Variants in CAMK4 observed in about 807,000 individuals in gnomAD.
The protein encoded by CAMK4 is calcium/calmodulin-dependent protein kinase type IV.
A neutral mutation model predicts 44.9 loss-of-function variants in CAMK4; 22 were observed. That is an observed-to-expected ratio of 0.49 (90% CI 0.35 to 0.70). CAMK4 has a LOEUF of 0.70. CAMK4 is among the 30% of genes least tolerant of loss of function. The probability of loss-of-function intolerance (pLI) is 0.01; values close to 1 mark genes in which losing one functional copy is unlikely to be tolerated. For missense variants in CAMK4, 498 were observed against 586.8 expected, an observed-to-expected ratio of 0.85 and a Z score of 1.56; for synonymous variants, 218 against 215.4, an observed-to-expected ratio of 1.01 and a Z score of -0.11.
chr5:111,383,179 G>A (rs1272861609), intron 4 of CAMK4, among the ~76,000 whole-genome samples: 2 of 152,242 alleles, frequency 1.3e-5, no homozygotes, highest in African/African-American at 2.4e-5. Flanking sequence ...TTGTATGAGA[G>A]GGACCTAAAT....
chr5:111,308,259 A>T (rs1025351571), intron 1 of CAMK4, among the ~76,000 whole-genome samples: 18 of 128,970 alleles, frequency 1.4e-4, no homozygotes, highest in African/African-American at 1.9e-4. Flanking sequence ...ATAAAAAAAT[A>T]AAATAAAATA....
chr5:111,357,209 A>T (rs1185920532), intron 2 of CAMK4, among the ~76,000 whole-genome samples: 1 of 152,106 alleles, frequency 6.6e-6, no homozygotes, highest in Non-Finnish European at 1.5e-5. Context: ...ATGTTACTTC[A>T]CTCTGGTAGA....
At chr5:111,276,325 C>A (rs1054162822) in intron 1 of CAMK4, among the ~76,000 whole-genome samples, 2 of 152,186 alleles carry the variant, frequency 1.3e-5, no homozygotes, top group Non-Finnish European at 2.9e-5. Context: ...CACCTCTACT[C>A]CTCTAATTGG....
At position 111,424,594 on chromosome 5, in the gene CAMK4, A is replaced by G. The variant is rs368795226; in HGVS notation, c.460-22092A>G. Among the ~76,000 whole-genome samples, 31 of 151,186 alleles carry G rather than the reference A, an allele frequency of 2.1e-4. No homozygotes were observed. In the East Asian group the frequency reaches 4.3e-3, roughly 21 times the overall value. ...CGAATAGCTGGGACTACAGGTGCCCACCACCACGCCCGGCTAATTTTTAAA... is the reference window on the plus strand; with the variant it reads ...CGAATAGCTGGGACTACAGGTGCCCGCCACCACGCCCGGCTAATTTTTAAA... On this transcript the variant is annotated intron_variant, in intron 5 of 10. Coordinates refer to ENST00000282356, the MANE Select transcript of CAMK4 (RefSeq NM_001744.6).
intron 5 of CAMK4, among the ~76,000 whole-genome samples, chr5:111,406,883 G>C (rs2112886557): frequency 6.6e-6 from 1 of 152,312 alleles, no homozygotes; most frequent in Middle Eastern, 3.4e-3. Context: ...TTATTTAATA[G>C]ATATGACCTG....
intron 7 of CAMK4, among the ~76,000 whole-genome samples, chr5:111,464,620 T>C (rs1754759663): frequency 2.0e-5 from 3 of 152,140 alleles, no homozygotes; most frequent in Non-Finnish European, 4.4e-5. Context: ...ATTTATAGTC[T>C]AGGGACCCAG....
chr5:111,483,571 A>G (rs1227898853), intron 10 of CAMK4, among the ~76,000 whole-genome samples: 1 of 152,174 alleles, frequency 6.6e-6, no homozygotes, highest in Non-Finnish European at 1.5e-5. Context: ...GAAAGGCTCC[A>G]TGGTCAAATT....
intron 4 of CAMK4, among the ~76,000 whole-genome samples, chr5:111,377,501 A>G: frequency 1.3e-5 from 1 of 79,432 alleles, no homozygotes; most frequent in Admixed American, 1.9e-4. Context: ...AAAGCAGAGG[A>G]GTGAGAATGG....
rs775508053 is a variant in CAMK4, at chr5:111,484,185, G to A, written c.1141G>A (p.Asp381Asn). ...TCCAGAAGGAGAGAAAATTCAAGGC[G>A]ATGGGGCCCAAGCCGCAGTTAAGGG... is the stretch of plus-strand genomic sequence containing the variant. Reference protein sequence around the residue: ...AIPEGEKIQGDGAQAAVKGAQ... With the variant: ...AIPEGEKIQGNGAQAAVKGAQ... The change falls in exon 11 of 11, where the codon GAT (aspartate) becomes AAT (asparagine). Residue 381 changes from aspartate to asparagine, a missense_variant. Physicochemically the swap from Asp to Asn is conservative, Grantham distance 23 (BLOSUM62 1). Transcript: ENST00000282356. This position sits in a 1 kb window ranked among gnomAD's most constrained non-coding sequence, Gnocchi z 5.3. 7.4e-6 allele frequency: 12 copies of A among 1,614,020 alleles called. No individual in the cohort carries two copies. Among genetic ancestry groups the A allele is most frequent in the Admixed American group, 5.0e-5 (3 of 59,998 alleles).
rs955751544 is a variant in CAMK4 at position 111,263,469 on chromosome 5, C to T, written c.161+38825C>T. ...CTTTTATTTCCAGATTTCTTCACAA[C>T]TCCATTTCTTTTCTGTTATTACTCC... On this transcript the variant is annotated intron_variant, in intron 1 of 10. Coordinates refer to ENST00000282356, the MANE Select transcript of CAMK4 (RefSeq NM_001744.6). Among the ~76,000 whole-genome samples the T allele has an allele frequency of 2.6e-5, 4 of 152,218 alleles. No homozygotes were observed. In the South Asian group the frequency reaches 8.3e-4, roughly 32 times the overall value.
rs35984289 is a variant in CAMK4 at position 111,242,953 on chromosome 5, C to G, written c.161+18309C>G. The stretch of plus-strand genomic sequence containing the variant: ...GCTCAGATGCAGGCAGCCTGATGCT[C>G]TCTCTGCCTCTACTTTTTAGTGCAC... On this transcript the variant is annotated intron_variant, in intron 1 of 10. Transcript: ENST00000282356. 9.1e-4 allele frequency among the ~76,000 whole-genome samples: 138 copies of G among 152,192 alleles called. 1 individual carries two copies. The highest frequency in any genetic ancestry group is 2.2e-3 in the Admixed American group (33 of 15,282).
At chr5:111,237,351 C>T (rs978193323) in intron 1 of CAMK4, among the ~76,000 whole-genome samples, 1 of 152,172 alleles carries the variant, frequency 6.6e-6, no homozygotes, top group African/African-American at 2.4e-5. Context: ...CATGTGTGCA[C>T]CTGCGTTTTC....
Position 111,335,605 on chromosome 5 carries a change from A to T in CAMK4, c.162-8419A>T, listed in dbSNP as rs187882512. On this transcript the variant is annotated intron_variant, in intron 1 of 10. Transcript: ENST00000282356. ...GGAGCATGTTAAGGCCAACTGACAG[A>T]TGAAGAGCCCCTTTCTACACTACGT... Among the ~76,000 whole-genome samples the T allele has an allele frequency of 1.3e-4, 19 of 151,528 alleles. No individual in the cohort carries two copies. The East Asian group carries it at 3.7e-3, about 30-fold the overall frequency.
intron 1 of CAMK4, among the ~76,000 whole-genome samples, chr5:111,288,539 C>A (rs1751324168): frequency 6.6e-6 from 1 of 152,144 alleles, no homozygotes; most frequent in South Asian, 2.1e-4. Context: ...GGCACTGTTT[C>A]ACATTTAAGG....
rs77847784 is a variant in CAMK4 at position 111,309,057 on chromosome 5, G to C, written c.162-34967G>C. ...GTGAGTGAATAAGACATGGTTCTTGGACCTGAGTATCTTAGAGTCTTTGAG... is the reference window on the plus strand; with the variant it reads ...GTGAGTGAATAAGACATGGTTCTTGCACCTGAGTATCTTAGAGTCTTTGAG... On this transcript the variant is annotated intron_variant, in intron 1 of 10. Coordinates refer to ENST00000282356, the MANE Select transcript of CAMK4 (RefSeq NM_001744.6). 7.9e-5 allele frequency among the ~76,000 whole-genome samples: 12 copies of C among 152,240 alleles called. No homozygotes were observed. In the East Asian group the frequency reaches 2.1e-3, roughly 27 times the overall value.
chr5:111,249,828 A>G (rs989493440), intron 1 of CAMK4, among the ~76,000 whole-genome samples: 2 of 142,988 alleles, frequency 1.4e-5, no homozygotes, highest in Non-Finnish European at 3.2e-5. Context: ...TAATTTATAT[A>G]AAACATAAAA....
chr5:111,447,630 T>A (rs949515656), intron 6 of CAMK4, among the ~76,000 whole-genome samples: 1 of 152,232 alleles, frequency 6.6e-6, no homozygotes, highest in Non-Finnish European at 1.5e-5. Context: ...AAACTTTATT[T>A]TCGATGAATT....
chr5:111,270,318 G>T (rs146184778), intron 1 of CAMK4, among the ~76,000 whole-genome samples: 153 of 152,202 alleles, frequency 1.0e-3, no homozygotes, highest in African/African-American at 3.5e-3. Context: ...TCCTTTTCCT[G>T]TCCATTTCTT....
intron 1 of CAMK4, among the ~76,000 whole-genome samples, chr5:111,249,666 ATGTGTGTGTGTGTGTG>A (rs3066628): frequency 0.015 from 2,168 of 140,710 alleles, 42 homozygotes; most frequent in African/African-American, 0.042. Flanking sequence ...GTGTATATAT[ATGTGTGTGTGTGTGTG>A]TGTGTGTGTG....
Sources: allele counts gnomAD v4.1 joint callset (sites outside exome capture counted in the v4.1 genomes callset), GRCh38; gene constraint gnomAD v4.1.1; non-coding constraint Gnocchi (gnomAD v3.1); transcripts MANE v1.5; gene names NCBI Gene and HGNC (gene_info 2026-07-23, HGNC 2026-07-21).